The following CCDC146 variants were observed in gnomAD, a reference collection of about 807,000 sequenced individuals.
CCDC146 encodes coiled-coil domain containing 146.
CCDC146 carries 92 observed loss-of-function variants against 119.3 expected under a neutral mutation model. The ratio of observed to expected loss-of-function variants is 0.77; its 90% CI spans 0.65 to 0.92. The LOEUF is 0.92. Ranked by LOEUF, CCDC146 falls within the 40% of genes least tolerant of loss-of-function variation. CCDC146 has a pLI of 0.00. For synonymous variants in CCDC146, 372 were observed against 371.8 expected, an observed-to-expected ratio of 1.00 and a Z score of -0.01; for missense variants, 1,000 against 1,103.0, an observed-to-expected ratio of 0.91 and a Z score of 1.32.
intron 1 of CCDC146, among the ~76,000 whole-genome samples, chr7:77,135,511 G>A (rs1790849960): frequency 6.6e-6 from 1 of 152,086 alleles, no homozygotes; most frequent in African/African-American, 2.4e-5. Flanking sequence ...GAGAGAGGAA[G>A]AGGAAGAGAA....
At chr7:77,223,836 G>GT (rs1284062286) in intron 2 of CCDC146, among the ~76,000 whole-genome samples, 1 of 149,156 alleles carries the variant, frequency 6.7e-6, no homozygotes, top group African/African-American at 2.6e-5. Flanking sequence ...ACAGTCTAAT[G>GT]GGGGGGTAAA....
chr7:77,149,664 A>G (rs3960433), intron 1 of CCDC146, among the ~76,000 whole-genome samples: 1,638 of 151,882 alleles, frequency 0.011, 22 homozygotes, highest in African/African-American at 0.037. Context: ...TACTCTGGAT[A>G]CTGAGGACAA....
At chr7:77,246,606 A>G (rs1792956139) in intron 4 of CCDC146, 1 of 152,356 alleles carries the variant, frequency 6.6e-6, no homozygotes, top group Admixed American at 6.5e-5. Context: ...AAAAGTGATA[A>G]CCCAAAAGGA....
At chr7:77,219,270 A>G in intron 2 of CCDC146, among the ~76,000 whole-genome samples, 1 of 152,196 alleles carries the variant, frequency 6.6e-6, no homozygotes, top group East Asian at 1.9e-4. Flanking sequence ...TAAACTTAAA[A>G]AAGTTTTCCT....
chr7:77,265,698 C>T (rs1793388509), intron 9 of CCDC146, among the ~76,000 whole-genome samples: 1 of 152,168 alleles, frequency 6.6e-6, no homozygotes, highest in African/African-American at 2.4e-5. Flanking sequence ...TGTGATGGAC[C>T]ATCGTTTCTG....
intron 2 of CCDC146, among the ~76,000 whole-genome samples, chr7:77,174,249 T>A (rs1270470957): frequency 6.6e-6 from 1 of 152,212 alleles, no homozygotes; most frequent in African/African-American, 2.4e-5. Flanking sequence ...ATGGCGGTAG[T>A]TTGATTTCTT....
At chr7:77,249,400 T>G (rs983768721) in intron 4 of CCDC146, among the ~76,000 whole-genome samples, 1 of 150,670 alleles carries the variant, frequency 6.6e-6, no homozygotes, top group Non-Finnish European at 1.5e-5. Context: ...AGGCAGGAGA[T>G]TCTCTTGAAC....
intron 1 of CCDC146, among the ~76,000 whole-genome samples, chr7:77,130,657 GGC>G (rs1335335034): frequency 6.9e-6 from 1 of 143,902 alleles, no homozygotes; most frequent in East Asian, 2.0e-4. Flanking sequence ...GGAGTGCAGT[GGC>G]GCGATCTCGA....
At chr7:77,185,921 G>A (rs969120578) in intron 2 of CCDC146, among the ~76,000 whole-genome samples, 6 of 152,180 alleles carry the variant, frequency 3.9e-5, no homozygotes, top group Admixed American at 1.3e-4. Context: ...TGAGAGAAGT[G>A]CAAATCAAAA....
At chr7:77,209,984 G>A (rs181522183) in intron 2 of CCDC146, among the ~76,000 whole-genome samples, 148 of 152,314 alleles carry the variant, frequency 9.7e-4, no homozygotes, top group African/African-American at 3.3e-3. Flanking sequence ...GTGATGAGAG[G>A]GGCTGCCGTG....
At chr7:77,273,298 A>G (rs1448586460) in intron 9 of CCDC146, among the ~76,000 whole-genome samples, 8 of 152,242 alleles carry the variant, frequency 5.3e-5, no homozygotes, top group Admixed American at 6.5e-5. Context: ...TTTATGTTCA[A>G]TAAATGTTAG....
intron 9 of CCDC146, among the ~76,000 whole-genome samples, chr7:77,271,510 GGA>G (rs1469053198): frequency 9.8e-5 from 7 of 71,620 alleles, no homozygotes; most frequent in African/African-American, 1.9e-4. Flanking sequence ...CACACTAATA[GGA>G]GATATATATA....
intron 4 of CCDC146, among the ~76,000 whole-genome samples, chr7:77,246,138 C>A (rs1241532490): frequency 6.6e-6 from 1 of 152,132 alleles, no homozygotes; most frequent in Non-Finnish European, 1.5e-5. Flanking sequence ...TCAGCCCTGA[C>A]TGGTCAGTCA....
chr7:77,139,342 T>C (rs1379337853), intron 1 of CCDC146, among the ~76,000 whole-genome samples: 3 of 152,152 alleles, frequency 2.0e-5, no homozygotes, highest in Non-Finnish European at 4.4e-5. Flanking sequence ...AAGATAGTGA[T>C]CACTAGGGAG....
intron 2 of CCDC146, chr7:77,194,245 T>A (rs1791823575): frequency 6.6e-6 from 1 of 152,084 alleles, no homozygotes; most frequent in African/African-American, 2.4e-5. Context: ...AGGAATTTAC[T>A]TAAACTTGTA....
chr7:77,137,694 T>C (rs1790878672), intron 1 of CCDC146, among the ~76,000 whole-genome samples: 1 of 151,804 alleles, frequency 6.6e-6, no homozygotes, highest in Non-Finnish European at 1.5e-5. Flanking sequence ...GTAGATTCAA[T>C]GCAATCCCAA....
intron 2 of CCDC146, chr7:77,198,324 A>C (rs1791914621): frequency 1.0e-6 from 1 of 985,254 alleles, no homozygotes; most frequent in African/African-American, 1.7e-5. Context: ...CATGGTAAGT[A>C]GAGGTCCAAA....
chr7:77,235,225 G>A (rs1465092), intron 2 of CCDC146, among the ~76,000 whole-genome samples: 4,309 of 152,248 alleles, frequency 0.028, 196 homozygotes, highest in African/African-American at 0.098. Flanking sequence ...AGCTGGGGAA[G>A]TATAAAAATG....
intron 2 of CCDC146, among the ~76,000 whole-genome samples, chr7:77,187,961 C>T (rs1034425527): frequency 6.6e-6 from 1 of 152,166 alleles, no homozygotes; most frequent in Admixed American, 6.5e-5. Flanking sequence ...TCCCAGCGGC[C>T]GTACTTCAAC....
Sources: gnomAD v4.1 joint callset for allele counts (sites outside exome capture counted in the v4.1 genomes callset) on GRCh38, gnomAD v4.1.1 for gene constraint, MANE v1.5 for transcripts, NCBI Gene and HGNC (gene_info 2026-07-23, HGNC 2026-07-21) for gene names.